Variants in AKAP19 observed in about 807,000 individuals in gnomAD.
AKAP19 encodes the protein small A-kinase anchoring protein.
chr2:190,013,073 C>T, the AKAP19 span, among the ~76,000 whole-genome samples: 3 of 152,074 alleles, frequency 2.0e-5, no homozygotes, highest in Admixed American at 2.0e-4. Flanking sequence ...CCATAATTTT[C>T]TTTGCTTCTA....
the AKAP19 span, among the ~76,000 whole-genome samples, chr2:190,159,055 C>A: frequency 9.3e-3 from 1,412 of 152,264 alleles, 17 homozygotes; most frequent in African/African-American, 0.032. Context: ...TTGTGGGAGT[C>A]ACCAAAGCTG....
the AKAP19 span, among the ~76,000 whole-genome samples, chr2:189,912,652 G>A: frequency 2.6e-5 from 4 of 152,162 alleles, no homozygotes; most frequent in Non-Finnish European, 5.9e-5. Flanking sequence ...TGTATCATGT[G>A]ATTTATTATT....
chr2:190,003,764 G>A, the AKAP19 span, among the ~76,000 whole-genome samples: 2 of 152,002 alleles, frequency 1.3e-5, no homozygotes, highest in African/African-American at 4.8e-5. Flanking sequence ...CTGCTCGGGA[G>A]GCTAAGGTAC....
At chr2:190,175,231 C>T in the AKAP19 span, among the ~76,000 whole-genome samples, 6 of 152,092 alleles carry the variant, frequency 3.9e-5, no homozygotes, top group South Asian at 2.1e-4. Context: ...TTAAGTTCAG[C>T]GTAAAGATCT....
chr2:189,948,037 A>G, the AKAP19 span, among the ~76,000 whole-genome samples: 2 of 152,286 alleles, frequency 1.3e-5, no homozygotes, highest in South Asian at 2.1e-4. Flanking sequence ...TATTTAACGT[A>G]TAATAAGTAC....
the AKAP19 span, among the ~76,000 whole-genome samples, chr2:190,102,904 A>C: frequency 6.6e-5 from 10 of 152,298 alleles, no homozygotes; most frequent in East Asian, 1.9e-4. Flanking sequence ...AGAAGACTGC[A>C]GGCCAATATC....
chr2:189,998,771 C>CTTTTTTTTTTTTTTTTTTT, the AKAP19 span, among the ~76,000 whole-genome samples: 11 of 97,546 alleles, frequency 1.1e-4, no homozygotes, highest in African/African-American at 2.6e-4. Flanking sequence ...TTCTTTCTTT[C>CTTTTTTTTTTTTTTTTTTT]TTTTTTTTTT....
At chr2:190,111,960 C>T in the AKAP19 span, among the ~76,000 whole-genome samples, 3 of 152,014 alleles carry the variant, frequency 2.0e-5, no homozygotes, top group Non-Finnish European at 4.4e-5. Context: ...TGCAGTGGCA[C>T]GATCTCAGCT....
the AKAP19 span, among the ~76,000 whole-genome samples, chr2:189,884,410 A>T: frequency 6.6e-6 from 1 of 152,270 alleles, no homozygotes; most frequent in Admixed American, 6.5e-5. Context: ...GATACTCGTT[A>T]TCTATTTTGA....
chr2:189,943,511 A>T, the AKAP19 span, among the ~76,000 whole-genome samples: 1 of 152,226 alleles, frequency 6.6e-6, no homozygotes, highest in East Asian at 1.9e-4. Context: ...CTACTACAGC[A>T]GTGCCAAGGG....
chr2:190,146,919 G>A, the AKAP19 span, among the ~76,000 whole-genome samples: 1 of 152,154 alleles, frequency 6.6e-6, no homozygotes, highest in Non-Finnish European at 1.5e-5. Context: ...CAGATGTATA[G>A]ATTGTGAAGA....
At chr2:190,102,102 T>G in the AKAP19 span, among the ~76,000 whole-genome samples, 7 of 152,294 alleles carry the variant, frequency 4.6e-5, no homozygotes, top group East Asian at 1.4e-3. Flanking sequence ...GAGTGACTTT[T>G]GGGTAAACAA....
the AKAP19 span, among the ~76,000 whole-genome samples, chr2:189,962,292 A>G: frequency 6.6e-6 from 1 of 152,194 alleles, no homozygotes; most frequent in Admixed American, 6.5e-5. Flanking sequence ...CATGCAGCTT[A>G]TACCATCTAG....
the AKAP19 span, among the ~76,000 whole-genome samples, chr2:190,115,642 A>G: frequency 4.6e-5 from 7 of 151,856 alleles, no homozygotes; most frequent in Admixed American, 4.6e-4. Flanking sequence ...TTTAATCTGG[A>G]TTCCATTATT....
chr2:189,987,328 T>G, the AKAP19 span, among the ~76,000 whole-genome samples: 3 of 152,240 alleles, frequency 2.0e-5, no homozygotes, highest in Non-Finnish European at 4.4e-5. Flanking sequence ...TTCTCAGCCA[T>G]GTAGAACTGT....
At chr2:189,949,156 C>T in the AKAP19 span, among the ~76,000 whole-genome samples, 3 of 152,106 alleles carry the variant, frequency 2.0e-5, no homozygotes, top group South Asian at 2.1e-4. Context: ...TACAAAAAGC[C>T]GGCCCTCAGT....
the AKAP19 span, among the ~76,000 whole-genome samples, chr2:189,995,526 C>T: frequency 4.6e-5 from 7 of 152,142 alleles, no homozygotes; most frequent in East Asian, 9.6e-4. Flanking sequence ...AGATGAGTCT[C>T]CTGAAGATAG....
At chr2:190,096,500 G>T in the AKAP19 span, among the ~76,000 whole-genome samples, 6 of 152,114 alleles carry the variant, frequency 3.9e-5, no homozygotes, top group South Asian at 2.1e-4. Flanking sequence ...TGAAGCCTAG[G>T]TCATATAGCC....
the AKAP19 span, chr2:190,202,040 A>C: frequency 6.0e-6 from 1 of 167,026 alleles, no homozygotes; most frequent in Non-Finnish European, 1.5e-5. Context: ...ATGCCCCACT[A>C]AACTTTTCAG....
Sources: gnomAD v4.1 joint callset for allele counts (sites outside exome capture counted in the v4.1 genomes callset) on GRCh38, gnomAD v4.1.1 for gene constraint, MANE v1.5 for transcripts, NCBI Gene and HGNC (gene_info 2026-07-23, HGNC 2026-07-21) for gene names.